Variants in CELF2 observed in about 807,000 individuals in gnomAD.
The protein encoded by CELF2 is CUGBP Elav-like family member 2, also known as CUG triplet repeat RNA-binding protein 2.
In CELF2, 8 loss-of-function variants were observed where a neutral mutation model predicts 62.6. The ratio of observed to expected loss-of-function variants is 0.13; its 90% CI spans 0.07 to 0.23. CELF2 has a LOEUF of 0.23. Ranked by LOEUF, CELF2 falls within the 10% of genes least tolerant of loss-of-function variation. The probability of loss-of-function intolerance (pLI) is 1.00; values close to 1 mark genes in which losing one functional copy is unlikely to be tolerated. For synonymous variants in CELF2, 258 were observed against 250.0 expected (o/e 1.03, Z -0.30); for missense variants, 333 against 671.0 (o/e 0.50, Z 5.56).
chr10:11,143,494 G>A (rs574349591), intron 1 of CELF2, among the ~76,000 whole-genome samples: 1 of 152,282 alleles, frequency 6.6e-6, no homozygotes, highest in African/African-American at 2.4e-5. Flanking sequence ...CCAGACAGTT[G>A]CTGCCATTCA....
At chr10:10,467,461 C>T in the CELF2 span, among the ~76,000 whole-genome samples, 10 of 151,948 alleles carry the variant, frequency 6.6e-5, no homozygotes, top group African/African-American at 2.4e-4. Context: ...TCACTAGTTC[C>T]ACATTGTATT....
chr10:10,549,154 A>C, the CELF2 span, among the ~76,000 whole-genome samples: 18 of 152,192 alleles, frequency 1.2e-4, no homozygotes, highest in Non-Finnish European at 2.2e-4. Flanking sequence ...TCTTTGTGGT[A>C]AACTAGTTTG....
At chr10:10,761,503 G>A in the CELF2 span, among the ~76,000 whole-genome samples, 1 of 152,180 alleles carries the variant, frequency 6.6e-6, no homozygotes, top group Admixed American at 6.5e-5. Context: ...ATTATTCTGG[G>A]TGTTCCTGTG....
chr10:11,036,080 G>A (rs777146236), intron 1 of CELF2, among the ~76,000 whole-genome samples: 9 of 152,164 alleles, frequency 5.9e-5, no homozygotes, highest in Non-Finnish European at 1.2e-4. Flanking sequence ...ATCTGCATGC[G>A]TAAATACTCT....
Position 11,110,366 on chromosome 10 carries a change from C to T in CELF2, c.75-55120C>T, listed in dbSNP as rs1034995178. Among the ~76,000 whole-genome samples, 2 of 152,272 alleles carry T rather than the reference C, an allele frequency of 1.3e-5. No individual in the cohort carries two copies. Among genetic ancestry groups the T allele is most frequent in the South Asian group, 4.1e-4 (2 of 4,828 alleles). On this transcript the variant is annotated intron_variant, in intron 1 of 12. Coordinates refer to ENST00000633077, the MANE Select transcript of CELF2 (RefSeq NM_001326342.2). This position sits in a 1 kb window ranked among gnomAD's most constrained non-coding sequence, Gnocchi z 4.0. ...GATTTTCTGTGTGAGTATTCATCCC[C>T]GTCATTGAGTGGAACAGAAAAAATG...
intron 2 of CELF2, among the ~76,000 whole-genome samples, chr10:10,949,006 C>A (rs999534926): frequency 6.6e-6 from 1 of 152,084 alleles, no homozygotes; most frequent in Non-Finnish European, 1.5e-5. Flanking sequence ...CTAGGTTCCC[C>A]CAAATGAACA....
upstream of CELF2, among the ~76,000 whole-genome samples, chr10:11,013,312 A>G (rs1390698459): frequency 2.0e-5 from 3 of 152,230 alleles, no homozygotes; most frequent in African/African-American, 7.2e-5. The surrounding 1 kb of genome is among the most constrained non-coding windows in gnomAD (Gnocchi z 4.1). Context: ...ATCTTGGTAC[A>G]ATGGAGAAAG....
In CELF2 at chr10:10,993,740, G is replaced by A. The variant is rs548321329; in HGVS notation, c.89+73741G>A. 5.9e-5 allele frequency among the ~76,000 whole-genome samples: 9 copies of A among 152,280 alleles called. No individual in the cohort carries two copies. The highest frequency in any genetic ancestry group is 1.3e-4 in the Non-Finnish European group (9 of 68,012). ...ATGTTTTCAGAAAGCATTGGATATCGATATGGACTCAGCTGTGTTCTCCCC... is the reference window on the plus strand; with the variant it reads ...ATGTTTTCAGAAAGCATTGGATATCAATATGGACTCAGCTGTGTTCTCCCC... On this transcript the variant is annotated intron_variant, in intron 2 of 13. Transcript: ENST00000636488. This position sits in a 1 kb window ranked among gnomAD's most constrained non-coding sequence, Gnocchi z 5.3.
At chr10:10,493,276 G>T in the CELF2 span, among the ~76,000 whole-genome samples, 3 of 152,160 alleles carry the variant, frequency 2.0e-5, no homozygotes, top group African/African-American at 7.2e-5. Context: ...AGGGTCTGGG[G>T]AGAGGGGGCA....
chr10:11,329,175 G>T lies in CELF2; in HGVS notation c.*122G>T. On this transcript the variant is annotated 3_prime_UTR_variant, in exon 13 of 13. Transcript: ENST00000633077. This position sits in a 1 kb window ranked among gnomAD's most constrained non-coding sequence, Gnocchi z 5.5. ...TTGCCAACTTTTACCAAGAGAGACG[G>T]TTATTTTTACAATAAGGCCTCCATG... 9.1e-7 allele frequency: 1 copy of T among 1,097,152 alleles called. No individual in the cohort carries two copies. 68.0% of individuals were successfully genotyped at this position (1,097,152 alleles called of 1,614,324 possible). A position where few individuals can be genotyped will look rare whatever the true frequency, so the allele number is the denominator to read the frequency against.
the CELF2 span, among the ~76,000 whole-genome samples, chr10:10,752,643 T>C: frequency 3.0e-5 from 4 of 135,500 alleles, no homozygotes; most frequent in African/African-American, 1.2e-4. Context: ...TGAGCCGAGA[T>C]TGCACCACTG....
chr10:10,647,550 G>A, the CELF2 span, among the ~76,000 whole-genome samples: 5 of 152,252 alleles, frequency 3.3e-5, no homozygotes, highest in Non-Finnish European at 7.4e-5. Context: ...AAATGATGAC[G>A]ACAGATCATT....
intron 1 of CELF2, among the ~76,000 whole-genome samples, chr10:10,880,140 C>T (rs923052700): frequency 6.6e-6 from 1 of 152,154 alleles, no homozygotes; most frequent in African/African-American, 2.4e-5. Context: ...AGAACATCGC[C>T]ATGATTTGAG....
chr10:11,287,320 G>A (rs2091567470), intron 8 of CELF2, among the ~76,000 whole-genome samples: 1 of 152,056 alleles, frequency 6.6e-6, no homozygotes, highest in Non-Finnish European at 1.5e-5. Flanking sequence ...CTGGTAAAGT[G>A]AATCATAGAA....
intron 1 of CELF2, among the ~76,000 whole-genome samples, chr10:11,119,927 C>T (rs1259858361): frequency 7.6e-6 from 1 of 132,064 alleles, no homozygotes; most frequent in Non-Finnish European, 1.5e-5. Context: ...TAGAATTCAT[C>T]GTTTCATAGG....
At chr10:11,257,333 C>CAA (rs2079077698) in intron 4 of CELF2, among the ~76,000 whole-genome samples, 1 of 29,624 alleles carries the variant, frequency 3.4e-5, no homozygotes. Context: ...AAAAGACCAT[C>CAA]TACAAAAAAA....
rs1222310447 is a variant in CELF2 at position 11,333,216 on chromosome 10, A to G, written c.*4163A>G. On this transcript the variant is annotated 3_prime_UTR_variant, in exon 13 of 13. Transcript: ENST00000633077. Reference sequence around the variant, plus strand: ...GTCACCAAGAGAGGACATGAGGGGGAAAGTCCTTTTTGCCCTTCTCCAAAA... The same window carrying G: ...GTCACCAAGAGAGGACATGAGGGGGGAAGTCCTTTTTGCCCTTCTCCAAAA... The G allele has an allele frequency of 3.9e-3, 7 of 1,786 alleles. No homozygotes were observed. The Admixed American group carries it at 0.041, about 10-fold the overall frequency. The allele number at this position is 1,786 out of a possible 1,614,324, so 0.1% of individuals were successfully genotyped here.
At chr10:11,032,835 G>A (rs566606161) in intron 1 of CELF2, among the ~76,000 whole-genome samples, 2 of 152,252 alleles carry the variant, frequency 1.3e-5, no homozygotes, top group East Asian at 3.9e-4. Flanking sequence ...TGTTTATTGG[G>A]TCATAATTAA....
At chr10:10,948,097 C>G (rs1428744698) in intron 2 of CELF2, among the ~76,000 whole-genome samples, 1 of 152,160 alleles carries the variant, frequency 6.6e-6, no homozygotes, top group African/African-American at 2.4e-5. Flanking sequence ...CTCATCAGAT[C>G]ATACAGCTGG....
Sources: gnomAD v4.1 joint callset for allele counts (sites outside exome capture counted in the v4.1 genomes callset) on GRCh38, gnomAD v4.1.1 for gene constraint, Gnocchi (gnomAD v3.1) non-coding constraint, MANE v1.5 for transcripts, NCBI Gene and HGNC (gene_info 2026-07-23, HGNC 2026-07-21) for gene names.